NUTM2E: variants seen among roughly 807,000 people sequenced by gnomAD.
The protein encoded by NUTM2E is family with sequence similarity 22, member E.
Under a neutral mutation model 26.1 loss-of-function variants are expected in NUTM2E, and 3 were observed. The observed-to-expected ratio is 0.12, with a 90% CI of 0.05 to 0.30. The LOEUF (loss-of-function observed/expected upper bound fraction) is 0.30. Ranked by LOEUF, NUTM2E falls within the 10% of genes least tolerant of loss-of-function variation. The probability of loss-of-function intolerance (pLI) is 1.00; values close to 1 mark genes in which losing one functional copy is unlikely to be tolerated. For missense variants in NUTM2E, 62 were observed against 381.3 expected, an observed-to-expected ratio of 0.16 and a Z score of 6.97; for synonymous variants, 13 against 157.5, an observed-to-expected ratio of 0.08 and a Z score of 6.87.
intron 1 of NUTM2E, among the ~76,000 whole-genome samples, chr10:79,835,143 A>C (rs1270666439): frequency 6.8e-6 from 1 of 146,034 alleles, no homozygotes; most frequent in Non-Finnish European, 1.5e-5. Context: ...TATGGACTCT[A>C]TTTACTCAGA....
intron 1 of NUTM2E, among the ~76,000 whole-genome samples, chr10:79,828,121 CTA>C (rs1431661072): frequency 6.6e-6 from 1 of 151,330 alleles, no homozygotes; most frequent in Non-Finnish European, 1.5e-5. Context: ...GAGTTACAGA[CTA>C]TGTGCTTTCA....
chr10:79,831,404 G>T (rs1841926463), intron 1 of NUTM2E, among the ~76,000 whole-genome samples: 1 of 151,128 alleles, frequency 6.6e-6, no homozygotes, highest in South Asian at 2.1e-4. Context: ...GTGTTTGGTT[G>T]TAGGGTATTA....
intron 1 of NUTM2E, among the ~76,000 whole-genome samples, chr10:79,828,705 C>T (rs1841907353): frequency 6.6e-6 from 1 of 151,870 alleles, no homozygotes; most frequent in Non-Finnish European, 1.5e-5. Flanking sequence ...TTAATCGTGT[C>T]CTAGCCACTT....
Position 79,840,615 on chromosome 10 carries a change from A to G in NUTM2E, c.-1126A>G, listed in dbSNP as rs1240734121. ...CTGGGCTTGAGACTTGCAATCCACC[A>G]CTTGCCCCTGCCCCTGCCCCTGCAG... On this transcript the variant is annotated 5_prime_UTR_variant, in exon 4 of 10. Coordinates refer to ENST00000429984, the MANE Select transcript of NUTM2E (RefSeq NM_001355263.2). Among the ~76,000 whole-genome samples, 1 of 149,098 alleles carries G rather than the reference A, an allele frequency of 6.7e-6. No individual in the cohort carries two copies.
chr10:79,839,587 G>A (rs1260974011), intron 3 of NUTM2E, among the ~76,000 whole-genome samples, 41 bp from the exon 4 acceptor site: 8 of 151,742 alleles, frequency 5.3e-5, no homozygotes, highest in Non-Finnish European at 1.2e-4. Flanking sequence ...AATACCTTCA[G>A]AAGAAACTTT....
chr10:79,838,381 C>T lies in NUTM2E; in HGVS notation c.-2655C>T, dbSNP rs57441125. ...TGATCATTCTGATCAAGTCAACAAG[C>T]TTCACAACTTACTCAATGAGGTCGT... is the stretch of plus-strand genomic sequence containing the variant. On this transcript the variant is annotated 5_prime_UTR_variant, in exon 2 of 10. Transcript: ENST00000429984. Among the ~76,000 whole-genome samples, 85,444 of 104,140 alleles carry T rather than the reference C, an allele frequency of 0.82. 35,756 individuals carry two copies. The highest frequency in any genetic ancestry group is 0.89 in the Middle Eastern group (216 of 242). The allele number at this position is 104,140 out of a possible 152,430, so 68.3% of individuals were successfully genotyped here.
At chr10:79,833,910 A>G (rs1026751770) in intron 1 of NUTM2E, among the ~76,000 whole-genome samples, 13 of 151,874 alleles carry the variant, frequency 8.6e-5, no homozygotes, top group Non-Finnish European at 1.9e-4. Flanking sequence ...ACATATGCAC[A>G]TGTATGTTTA....
rs199973329 is a variant in NUTM2E, at chr10:79,832,066, A to G, written c.-2728+4709A>G. 6.0e-4 allele frequency among the ~76,000 whole-genome samples: 92 copies of G among 152,312 alleles called. No homozygotes were observed. The East Asian group carries it at 0.018, about 29-fold the overall frequency. On this transcript the variant is annotated intron_variant, in intron 1 of 9. Transcript: ENST00000429984. ...CTTTGATGTCTCTTCCTATAAGAGTATTAATCTCATTCACCAACTAATTAC... is the reference window on the plus strand; with the variant it reads ...CTTTGATGTCTCTTCCTATAAGAGTGTTAATCTCATTCACCAACTAATTAC...
chr10:79,827,803 T>G (rs1244352402), intron 1 of NUTM2E, among the ~76,000 whole-genome samples: 6 of 141,716 alleles, frequency 4.2e-5, no homozygotes, highest in Non-Finnish European at 6.4e-5. Context: ...TTGTTTTTTT[T>G]TTTTTGTTTT....
chr10:79,831,913 T>C (rs1841929263), intron 1 of NUTM2E, among the ~76,000 whole-genome samples: 1 of 151,998 alleles, frequency 6.6e-6, no homozygotes, highest in African/African-American at 2.4e-5. Context: ...TTCTGGAGGC[T>C]GGAAAATTTA....
intron 1 of NUTM2E, among the ~76,000 whole-genome samples, chr10:79,837,377 C>T (rs1166685656): frequency 2.0e-5 from 3 of 151,988 alleles, no homozygotes; most frequent in African/African-American, 7.2e-5. Context: ...TAAATAGGCT[C>T]CATGACATTT....
intron 1 of NUTM2E, among the ~76,000 whole-genome samples, chr10:79,832,443 A>G (rs1042172003): frequency 6.6e-6 from 1 of 151,752 alleles, no homozygotes; most frequent in Non-Finnish European, 1.5e-5. Flanking sequence ...CTGGTTGTCA[A>G]CTGATTTAAT....
At chr10:79,832,556 A>G (rs895058129) in intron 1 of NUTM2E, among the ~76,000 whole-genome samples, 1 of 151,742 alleles carries the variant, frequency 6.6e-6, no homozygotes, top group African/African-American at 2.4e-5. Context: ...ACATAAATTC[A>G]CACAAAAACA....
chr10:79,833,520 AAAAC>A (rs957503893), intron 1 of NUTM2E, among the ~76,000 whole-genome samples: 4 of 151,872 alleles, frequency 2.6e-5, no homozygotes, highest in South Asian at 4.2e-4. Flanking sequence ...TCACAAGAGA[AAAAC>A]AACCCCATCA....
chr10:79,836,950 C>G (rs1174553752), intron 1 of NUTM2E, among the ~76,000 whole-genome samples: 2 of 151,746 alleles, frequency 1.3e-5, no homozygotes, highest in African/African-American at 4.8e-5. Context: ...CCTCTCCTCA[C>G]AATGAATAAC....
At chr10:79,838,740 G>A (rs1017449408) in intron 2 of NUTM2E, among the ~76,000 whole-genome samples, 40 bp from the exon 3 acceptor site, 7 of 151,970 alleles carry the variant, frequency 4.6e-5, no homozygotes, top group African/African-American at 9.7e-5. Context: ...GCATGACCAG[G>A]AGGTGATTAC....
At chr10:79,849,117 C>T (rs1842038281) in intron 8 of NUTM2E, among the ~76,000 whole-genome samples, 1 of 99,884 alleles carries the variant, frequency 1.0e-5, no homozygotes, top group Non-Finnish European at 2.5e-5. Flanking sequence ...GTGTACGTTA[C>T]CTGTGTCTGT....
In NUTM2E at chr10:79,838,865, C is replaced by A. The variant is rs1327824196; in HGVS notation, c.-2364C>A. On this transcript the variant is annotated 5_prime_UTR_variant, in exon 3 of 10. Coordinates refer to ENST00000429984, the MANE Select transcript of NUTM2E (RefSeq NM_001355263.2). ...CGCTGCGCGTCTCCCTGCCATCAAC[C>A]GCCGCAACTGGCGCTGGGAGCGGTT... Among the ~76,000 whole-genome samples, 5 of 150,668 alleles carry A rather than the reference C, an allele frequency of 3.3e-5. No individual in the cohort carries two copies. Among genetic ancestry groups the A allele is most frequent in the African/African-American group, 1.2e-4 (5 of 41,028 alleles).
intron 8 of NUTM2E, among the ~76,000 whole-genome samples, 152 bp downstream of exon 8, chr10:79,849,047 TTG>T (rs1170039359): frequency 8.9e-6 from 1 of 112,508 alleles, no homozygotes; most frequent in African/African-American, 2.8e-5. Flanking sequence ...GTCTGTGTGT[TTG>T]TGTCTGTGGT....
Sources: allele counts gnomAD v4.1 joint callset (sites outside exome capture counted in the v4.1 genomes callset), GRCh38; gene constraint gnomAD v4.1.1; transcripts MANE v1.5; gene names NCBI Gene and HGNC (gene_info 2026-07-23, HGNC 2026-07-21).